TEX2: variants seen among roughly 807,000 people sequenced by gnomAD.
TEX2 encodes the protein testis-expressed protein 2.
In TEX2, 53 loss-of-function variants were observed where a neutral mutation model predicts 106.9. The ratio of observed to expected loss-of-function variants is 0.50; its 90% CI spans 0.40 to 0.62. The LOEUF is 0.62. TEX2 is among the 20% of genes least tolerant of loss of function. TEX2 has a pLI of 0.00. For synonymous variants in TEX2, 523 were observed against 534.8 expected (o/e 0.98, Z 0.30); for missense variants, 1,207 against 1,379.0 (o/e 0.88, Z 1.98).
chr17:64,152,867 C>G (rs2030422754), intron 10 of TEX2, 78 bp downstream of exon 10: 10 of 1,452,452 alleles, frequency 6.9e-6, no homozygotes, highest in South Asian at 2.5e-5. Context: ...TCCATAACCT[C>G]AAGGTTAAGC....
intron 1 of TEX2, among the ~76,000 whole-genome samples, chr17:64,222,575 C>T (rs1235792723): frequency 6.7e-6 from 1 of 148,998 alleles, no homozygotes; most frequent in Non-Finnish European, 1.5e-5. Context: ...CTGCTTAAGG[C>T]TAGGAGTTTG....
chr17:64,242,888 T>A (rs2033914144), intron 1 of TEX2, among the ~76,000 whole-genome samples: 1 of 151,686 alleles, frequency 6.6e-6, no homozygotes, highest in African/African-American at 2.4e-5. Context: ...AGTTTGAGAC[T>A]AGCCTGGGCA....
chr17:64,178,862 G>A (rs183760183), intron 5 of TEX2, among the ~76,000 whole-genome samples: 50 of 152,242 alleles, frequency 3.3e-4, no homozygotes, highest in Non-Finnish European at 6.0e-4. Context: ...AGCTGTGACT[G>A]TGCCCACATT....
chr17:64,177,033 C>A (rs1046801118), intron 6 of TEX2, among the ~76,000 whole-genome samples: 1 of 152,068 alleles, frequency 6.6e-6, no homozygotes, highest in Non-Finnish European at 1.5e-5. Flanking sequence ...TAAGACGAAT[C>A]GGTTATAAGA....
At chr17:64,194,362 A>C (rs1384308347) in intron 3 of TEX2, among the ~76,000 whole-genome samples, 1 of 152,252 alleles carries the variant, frequency 6.6e-6, no homozygotes, top group Non-Finnish European at 1.5e-5. Context: ...GGAGAAATCT[A>C]AAGATCATTC....
chr17:64,251,710 G>T (rs1555637018), intron 1 of TEX2, among the ~76,000 whole-genome samples: 1 of 152,182 alleles, frequency 6.6e-6, no homozygotes, highest in Non-Finnish European at 1.5e-5. Flanking sequence ...CTCCCCATCT[G>T]CAGGGTCAGT....
At position 64,160,793 on chromosome 17, in the gene TEX2, C is replaced by T. The variant is rs749793482; in HGVS notation, c.2804+8G>A. On this transcript the variant is annotated splice_region_variant and intron_variant, in intron 8 of 11. Transcript: ENST00000584379. ...ATTGGATTAGTAAATTCATATATAG[C>T]CCCTTACCCTTCTTTGCCAATTTCT... 2 of 1,613,496 alleles carry T rather than the reference C, an allele frequency of 1.2e-6. No homozygotes were observed. The highest frequency in any genetic ancestry group is 2.2e-5 in the East Asian group (1 of 44,878).
At chr17:64,192,403 C>A (rs1488883972) in intron 4 of TEX2, among the ~76,000 whole-genome samples, 1 of 152,168 alleles carries the variant, frequency 6.6e-6, no homozygotes, top group East Asian at 1.9e-4. Context: ...TGGAGTGATG[C>A]GGCTGCGGGC....
intron 5 of TEX2, among the ~76,000 whole-genome samples, chr17:64,180,089 C>A: frequency 6.6e-6 from 1 of 152,126 alleles, no homozygotes; most frequent in Middle Eastern, 3.2e-3. Context: ...GAGTCCCATC[C>A]GATTATTTAT....
intron 4 of TEX2, among the ~76,000 whole-genome samples, chr17:64,190,344 A>G (rs2032249727): frequency 6.6e-6 from 1 of 152,200 alleles, no homozygotes; most frequent in African/African-American, 2.4e-5. Context: ...ATTAGTAGAA[A>G]AACCAGTGAA....
intron 1 of TEX2, among the ~76,000 whole-genome samples, chr17:64,253,960 C>T (rs747452062): frequency 3.4e-4 from 52 of 152,268 alleles, no homozygotes; most frequent in Non-Finnish European, 3.7e-4. Context: ...ATGCTCTCTG[C>T]GTCTGTCTTC....
chr17:64,258,898 C>T (rs1418166644), intron 1 of TEX2, among the ~76,000 whole-genome samples: 1 of 152,026 alleles, frequency 6.6e-6, no homozygotes, highest in East Asian at 1.9e-4. Flanking sequence ...GCTGGGACTA[C>T]AGGCATGTGC....
chr17:64,253,602 G>T (rs782724922), intron 1 of TEX2, among the ~76,000 whole-genome samples: 4 of 152,160 alleles, frequency 2.6e-5, no homozygotes, highest in Non-Finnish European at 5.9e-5. Flanking sequence ...CACCAAACTA[G>T]AACAGTGGCA....
intron 1 of TEX2, chr17:64,255,629 C>A (rs1482416928): frequency 6.6e-6 from 1 of 152,120 alleles, no homozygotes; most frequent in African/African-American, 2.4e-5. Flanking sequence ...TTTGATGAGG[C>A]CTCACACATA....
chr17:64,185,924 A>G lies in TEX2; in HGVS notation c.2424+2244T>C, dbSNP rs897897099. 1.3e-5 allele frequency among the ~76,000 whole-genome samples: 2 copies of G among 151,370 alleles called. No individual in the cohort carries two copies. The highest frequency in any genetic ancestry group is 2.4e-5 in the African/African-American group (1 of 41,236). Reference sequence around the variant, plus strand: ...GGAAAAAGAGCAAAACTCCATCTCAAAAAAAAAAGTCATCAGACTTAGAAG... The same window carrying G: ...GGAAAAAGAGCAAAACTCCATCTCAGAAAAAAAAGTCATCAGACTTAGAAG... On this transcript the variant is annotated intron_variant, in intron 5 of 11. Transcript: ENST00000584379. This position sits in a 1 kb window ranked among gnomAD's most constrained non-coding sequence, Gnocchi z 4.0.
At chr17:64,190,193 C>T (rs2032243275) in intron 4 of TEX2, among the ~76,000 whole-genome samples, 1 of 151,992 alleles carries the variant, frequency 6.6e-6, no homozygotes, top group Non-Finnish European at 1.5e-5. Context: ...ATTTTTGTAA[C>T]TTTTATTATC....
chr17:64,166,530 C>T (rs1243906602), intron 7 of TEX2, among the ~76,000 whole-genome samples: 1 of 152,230 alleles, frequency 6.6e-6, no homozygotes, highest in Non-Finnish European at 1.5e-5. Flanking sequence ...CTCATACACA[C>T]ATGGCAGGGT....
At chr17:64,186,522 A>G (rs1022052258) in intron 5 of TEX2, among the ~76,000 whole-genome samples, 7 of 152,222 alleles carry the variant, frequency 4.6e-5, no homozygotes, top group African/African-American at 1.7e-4. Context: ...GGTCATTGTA[A>G]GAGGTCAAAC....
At position 64,160,781 on chromosome 17, in the gene TEX2, A is replaced by T. The variant is rs1309707947; in HGVS notation, c.2804+20T>A. 9 of 1,612,188 alleles carry T rather than the reference A, an allele frequency of 5.6e-6. 1 individual carries two copies. The highest frequency in any genetic ancestry group is 6.8e-6 in the Non-Finnish European group (8 of 1,179,322). The stretch of plus-strand genomic sequence containing the variant: ...TGGTGCCCCAGGATTGGATTAGTAA[A>T]TTCATATATAGCCCCTTACCCTTCT... On this transcript the variant is annotated intron_variant, in intron 8 of 11. Transcript: ENST00000584379.
Sources: gnomAD v4.1 joint callset for allele counts (sites outside exome capture counted in the v4.1 genomes callset) on GRCh38, gnomAD v4.1.1 for gene constraint, Gnocchi (gnomAD v3.1) non-coding constraint, MANE v1.5 for transcripts, NCBI Gene and HGNC (gene_info 2026-07-23, HGNC 2026-07-21) for gene names.